Variants in SNAPC3 observed in about 807,000 individuals in gnomAD.
The protein encoded by SNAPC3 is snRNA-activating protein complex subunit 3.
In SNAPC3, 56 loss-of-function variants were observed where a neutral mutation model predicts 47.7. The ratio of observed to expected loss-of-function variants is 1.18; its 90% CI spans 0.95 to 1.47. The LOEUF (loss-of-function observed/expected upper bound fraction) is 1.47, where lower values mean the gene tolerates loss of function less well. Among genes scored for constraint, SNAPC3 ranks in the 40% most tolerant of loss-of-function variants. The pLI is 0.00. For synonymous variants in SNAPC3, 235 were observed against 189.9 expected, an observed-to-expected ratio of 1.24 and a Z score of -1.95; for missense variants, 665 against 511.3, an observed-to-expected ratio of 1.30 and a Z score of -2.90.
At chr9:15,428,367 G>C (rs2131746967) in intron 2 of SNAPC3, among the ~76,000 whole-genome samples, 1 of 151,980 alleles carries the variant, frequency 6.6e-6, no homozygotes, top group South Asian at 2.1e-4. Flanking sequence ...AGTCTAGCCG[G>C]TCGTGGTGGC....
chr9:15,426,150 G>A (rs941985090), intron 2 of SNAPC3, among the ~76,000 whole-genome samples: 5 of 152,276 alleles, frequency 3.3e-5, no homozygotes, highest in Non-Finnish European at 5.9e-5. Context: ...CACCGCACCT[G>A]GCCCGACCTT....
In SNAPC3 at chr9:15,460,267, T is replaced by C. The variant is rs2035106871; in HGVS notation, c.*401T>C. On this transcript the variant is annotated 3_prime_UTR_variant, in exon 9 of 9. Transcript: ENST00000380821. The stretch of plus-strand genomic sequence containing the variant: ...CAAGTAGTGGAAGTGTTTTGAAAAT[T>C]CTTTGAAGAATGTGAGAGCTACACC... The C allele has an allele frequency of 6.5e-6, 1 of 153,644 alleles. No homozygotes were observed. The highest frequency in any genetic ancestry group is 2.4e-5 in the African/African-American group (1 of 41,506). The allele number at this position is 153,644 out of a possible 1,614,324, so 9.5% of individuals were successfully genotyped here.
intron 5 of SNAPC3, among the ~76,000 whole-genome samples, chr9:15,448,873 A>G (rs777824661): frequency 6.6e-6 from 1 of 151,784 alleles, no homozygotes; most frequent in African/African-American, 2.4e-5. Flanking sequence ...GCGATGATGC[A>G]ATCTCGGCTC....
chr9:15,437,966 A>G (rs771473485), intron 3 of SNAPC3, among the ~76,000 whole-genome samples: 8 of 152,130 alleles, frequency 5.3e-5, no homozygotes, highest in Non-Finnish European at 1.0e-4. Context: ...TCTTTGTCTC[A>G]CTGTGGTATC....
intron 7 of SNAPC3, among the ~76,000 whole-genome samples, chr9:15,455,341 C>G (rs2131955311): frequency 6.6e-6 from 1 of 152,266 alleles, no homozygotes; most frequent in South Asian, 2.1e-4. Flanking sequence ...CCAAGGTGGC[C>G]AGATTACTTG....
intron 3 of SNAPC3, among the ~76,000 whole-genome samples, chr9:15,436,254 T>C (rs1020741401): frequency 6.6e-6 from 1 of 152,246 alleles, no homozygotes; most frequent in Non-Finnish European, 1.5e-5. Context: ...ACTTAAAACA[T>C]TGCCAGATGC....
chr9:15,427,876 T>G (rs2031632659), intron 2 of SNAPC3, among the ~76,000 whole-genome samples: 1 of 152,004 alleles, frequency 6.6e-6, no homozygotes. Flanking sequence ...TAAAAAAACT[T>G]AAACAGGGTG....
At chr9:15,423,501 T>C (rs746595062) in intron 1 of SNAPC3, among the ~76,000 whole-genome samples, 3 of 152,190 alleles carry the variant, frequency 2.0e-5, no homozygotes, top group Non-Finnish European at 4.4e-5. Flanking sequence ...AACAGCGACG[T>C]GTACCTGCCA....
intron 8 of SNAPC3, among the ~76,000 whole-genome samples, chr9:15,459,166 A>G (rs549012841): frequency 6.6e-6 from 1 of 152,358 alleles, no homozygotes; most frequent in South Asian, 2.1e-4. Context: ...ATACCATACA[A>G]TAGCATCTTC....
chr9:15,427,458 T>G (rs1034198580), intron 2 of SNAPC3, among the ~76,000 whole-genome samples: 2 of 152,166 alleles, frequency 1.3e-5, no homozygotes, highest in African/African-American at 4.8e-5. Flanking sequence ...AAGTGATTCT[T>G]CTGCCTCAGC....
chr9:15,449,590 G>C (rs1439221126), intron 5 of SNAPC3, among the ~76,000 whole-genome samples: 1 of 40,708 alleles, frequency 2.5e-5, no homozygotes, highest in East Asian at 1.0e-3. Flanking sequence ...TTTTTTTTGA[G>C]ACAGAATTTT....
downstream of SNAPC3, chr9:15,466,676 C>T (rs2035647171): frequency 1.7e-5 from 21 of 1,206,164 alleles, no homozygotes; most frequent in South Asian, 2.7e-4. Flanking sequence ...GTAAGATAAC[C>T]TTGGAACAGA....
At chr9:15,432,382 G>A (rs937171062) in intron 2 of SNAPC3, among the ~76,000 whole-genome samples, 2 of 152,060 alleles carry the variant, frequency 1.3e-5, no homozygotes, top group Non-Finnish European at 2.9e-5. Flanking sequence ...CAATGAGAAC[G>A]CCTAGAACCC....
In SNAPC3 at chr9:15,460,945, C is replaced by T. The variant is rs576090250; in HGVS notation, c.*1079C>T. The T allele has an allele frequency of 6.6e-6, 1 of 152,174 alleles. No individual in the cohort carries two copies. The highest frequency in any genetic ancestry group is 1.5e-5 in the Non-Finnish European group (1 of 68,018). The allele number at this position is 152,174 out of a possible 1,614,324, so 9.4% of individuals were successfully genotyped here. ...AAAAACAATAGCAGATTTCGTATGA[C>T]TGTGGGGACATGGAAAAATCAAGAT... On this transcript the variant is annotated 3_prime_UTR_variant, in exon 9 of 9. Coordinates refer to ENST00000380821, the MANE Select transcript of SNAPC3 (RefSeq NM_001039697.2).
intron 3 of SNAPC3, among the ~76,000 whole-genome samples, chr9:15,440,669 G>C (rs1405985282): frequency 6.6e-6 from 1 of 152,160 alleles, no homozygotes; most frequent in Non-Finnish European, 1.5e-5. Flanking sequence ...AAAAATCAGG[G>C]CCGGGCGCGG....
intron 6 of SNAPC3, among the ~76,000 whole-genome samples, chr9:15,452,072 C>T (rs1265386629): frequency 6.6e-6 from 1 of 152,128 alleles, no homozygotes; most frequent in Non-Finnish European, 1.5e-5. Context: ...AAGCCATTCT[C>T]GTGCCTCAGC....
intron 7 of SNAPC3, among the ~76,000 whole-genome samples, chr9:15,457,201 T>G (rs1040648844): frequency 6.6e-6 from 1 of 152,120 alleles, no homozygotes; most frequent in Non-Finnish European, 1.5e-5. Flanking sequence ...TAGATTTTAA[T>G]AAAGGAGACA....
rs781693574 is a variant in SNAPC3 at position 15,447,263 on chromosome 9, A to G, written c.732+19A>G. ...CAGCAAAGTAAGGTGATTTCCTCCCATAAAACAAAAGGAAATAACAAGCTA... is the reference window on the plus strand; with the variant it reads ...CAGCAAAGTAAGGTGATTTCCTCCCGTAAAACAAAAGGAAATAACAAGCTA... On this transcript the variant is annotated intron_variant, in intron 5 of 8. Transcript: ENST00000380821. The G allele has an allele frequency of 6.2e-7, 1 of 1,611,450 alleles. No individual in the cohort carries two copies. Among genetic ancestry groups the G allele is most frequent in the Non-Finnish European group, 8.5e-7 (1 of 1,177,678 alleles).
intron 3 of SNAPC3, among the ~76,000 whole-genome samples, chr9:15,441,978 A>C (rs1225611247): frequency 1.3e-5 from 2 of 151,720 alleles, no homozygotes; most frequent in African/African-American, 4.8e-5. Context: ...GGCCAGGCAG[A>C]GGCGCCCCCC....
Sources: gnomAD v4.1 joint callset for allele counts (sites outside exome capture counted in the v4.1 genomes callset) on GRCh38, gnomAD v4.1.1 for gene constraint, MANE v1.5 for transcripts, NCBI Gene and HGNC (gene_info 2026-07-23, HGNC 2026-07-21) for gene names.